CDK8: variants seen among roughly 807,000 people sequenced by gnomAD.
CDK8 encodes cyclin dependent kinase 8, also known as cyclin-dependent kinase 8.
Under a neutral mutation model 71.5 loss-of-function variants are expected in CDK8, and 29 were observed. That is an observed-to-expected ratio of 0.41 (90% confidence interval 0.30 to 0.55). CDK8 has a LOEUF of 0.55. Among genes scored for constraint, CDK8 ranks in the 20% least tolerant of loss-of-function variants. The pLI is 0.37. For synonymous variants in CDK8, 161 were observed against 192.1 expected (o/e 0.84, Z 1.34); for missense variants, 288 against 572.6 (o/e 0.50, Z 5.07).
At chr13:26,386,432 C>T (rs1875480355) in intron 6 of CDK8, among the ~76,000 whole-genome samples, 1 of 152,132 alleles carries the variant, frequency 6.6e-6, no homozygotes, top group South Asian at 2.1e-4. Context: ...TCTGTATCCT[C>T]CAGGATGGTA....
intron 4 of CDK8, among the ~76,000 whole-genome samples, chr13:26,356,842 CATTAT>C (rs1873919250): frequency 6.6e-6 from 1 of 151,978 alleles, no homozygotes; most frequent in South Asian, 2.1e-4. Flanking sequence ...ATTAATAGTT[CATTAT>C]ATTCTTTACC....
intron 1 of CDK8, among the ~76,000 whole-genome samples, chr13:26,283,400 G>A (rs1872849011): frequency 6.6e-6 from 1 of 152,026 alleles, no homozygotes; most frequent in African/African-American, 2.4e-5. Context: ...ACAAGGTTAG[G>A]AGATCGAGAC....
intron 1 of CDK8, among the ~76,000 whole-genome samples, chr13:26,288,821 G>A (rs1359689945): frequency 2.0e-5 from 3 of 152,014 alleles, no homozygotes; most frequent in Non-Finnish European, 4.4e-5. Flanking sequence ...GTGCAGTGGC[G>A]TGATCTCGGC....
chr13:26,403,885 TCAGTCA>T, intron 12 of CDK8, 65 bp from the exon 13 acceptor site: 1 of 1,554,652 alleles, frequency 6.4e-7, no homozygotes, highest in Non-Finnish European at 8.8e-7. Context: ...TAATGACACT[TCAGTCA>T]CATATTGGGA....
At position 26,404,134 on chromosome 13, in the gene CDK8, T is replaced by C; in HGVS notation, c.*53T>C. ...GTTGCGAATGCTGCAGGGCTGACTG[T>C]GCAGCTCTCTGCGGGAACCTGGTAT... On this transcript the variant is annotated 3_prime_UTR_variant, in exon 13 of 13. Coordinates refer to ENST00000381527, the MANE Select transcript of CDK8 (RefSeq NM_001260.3). 6.3e-7 allele frequency: 1 copy of C among 1,598,628 alleles called. No homozygotes were observed. The highest frequency in any genetic ancestry group is 1.7e-4 in the Middle Eastern group (1 of 5,982).
At chr13:26,270,048 T>A (rs1012840559) in intron 1 of CDK8, among the ~76,000 whole-genome samples, 1 of 152,134 alleles carries the variant, frequency 6.6e-6, no homozygotes, top group Non-Finnish European at 1.5e-5. Flanking sequence ...TTTCTTAATA[T>A]GGCTTTTTTG....
Position 26,302,151 on chromosome 13 carries a change from T to A in CDK8, c.129-35416T>A, listed in dbSNP as rs187476559. 1.2e-4 allele frequency among the ~76,000 whole-genome samples: 18 copies of A among 152,354 alleles called. No homozygotes were observed. In the East Asian group the frequency reaches 3.1e-3, roughly 26 times the overall value. On this transcript the variant is annotated intron_variant, in intron 1 of 12. Coordinates refer to ENST00000381527, the MANE Select transcript of CDK8 (RefSeq NM_001260.3). ...ATAAACTTCTGGATTAATCAAGGACTATGCTATTTAAAGTACCCATAAAAC... is the reference window on the plus strand; with the variant it reads ...ATAAACTTCTGGATTAATCAAGGACAATGCTATTTAAAGTACCCATAAAAC...
intron 1 of CDK8, among the ~76,000 whole-genome samples, chr13:26,322,754 C>T (rs1354432494): frequency 6.6e-6 from 1 of 152,154 alleles, no homozygotes; most frequent in Non-Finnish European, 1.5e-5. Context: ...TCCCTCCAGT[C>T]TTGATCCCTT....
At chr13:26,366,466 G>A (rs1874393594) in intron 4 of CDK8, among the ~76,000 whole-genome samples, 1 of 152,064 alleles carries the variant, frequency 6.6e-6, no homozygotes, top group South Asian at 2.1e-4. Context: ...ACTATTGAAA[G>A]AAATGTTCGT....
At position 26,404,227 on chromosome 13, in the gene CDK8, A is replaced by G; in HGVS notation, c.*146A>G. 1.1e-6 allele frequency: 1 copy of G among 909,252 alleles called. No individual in the cohort carries two copies. Among genetic ancestry groups the G allele is most frequent in the East Asian group, 2.6e-5 (1 of 37,832 alleles). The allele number at this position is 909,252 out of a possible 1,614,324, so 56.3% of individuals were successfully genotyped here. On this transcript the variant is annotated 3_prime_UTR_variant, in exon 13 of 13. Coordinates refer to ENST00000381527, the MANE Select transcript of CDK8 (RefSeq NM_001260.3). ...CAGTAGCCAAGTTCCACCACTTTTC[A>G]CAGATTGGGGTAGTGGCTTCCAAGT...
At chr13:26,276,561 TA>T (rs1872571208) in intron 1 of CDK8, among the ~76,000 whole-genome samples, 1 of 152,210 alleles carries the variant, frequency 6.6e-6, no homozygotes, top group African/African-American at 2.4e-5. Context: ...TACTTTAATA[TA>T]TTTTTTTAAT....
intron 3 of CDK8, 63 bp downstream of exon 3, chr13:26,349,245 A>T: frequency 1.2e-6 from 1 of 811,822 alleles, no homozygotes; most frequent in Non-Finnish European, 1.9e-6. Flanking sequence ...AACTAAAAAC[A>T]GTTAGGTGTT....
intron 1 of CDK8, among the ~76,000 whole-genome samples, chr13:26,257,281 CGTT>C (rs529426520): frequency 1.7e-3 from 254 of 152,154 alleles, no homozygotes; most frequent in Non-Finnish European, 1.7e-3. Context: ...TGTATGTAAA[CGTT>C]GTATCCTTTC....
chr13:26,319,475 A>T (rs1283937826), intron 1 of CDK8, among the ~76,000 whole-genome samples: 1 of 152,088 alleles, frequency 6.6e-6, no homozygotes, highest in African/African-American at 2.4e-5. Context: ...ACTTAAAAAA[A>T]AAAAAAAGAA....
rs976718181 is a variant in CDK8, at chr13:26,404,624, G to C, written c.*543G>C. The C allele has an allele frequency of 3.5e-5, 8 of 231,224 alleles. No individual in the cohort carries two copies. Among genetic ancestry groups the C allele is most frequent in the Non-Finnish European group, 6.8e-5 (8 of 116,968 alleles). The allele number at this position is 231,224 out of a possible 1,614,324, so 14.3% of individuals were successfully genotyped here. The stretch of plus-strand genomic sequence containing the variant: ...TTTTCTACATTAATCAGTGTTTTCT[G>C]ACCAAGAATATTGCTTGGATTTTTT... On this transcript the variant is annotated 3_prime_UTR_variant, in exon 13 of 13. Coordinates refer to ENST00000381527, the MANE Select transcript of CDK8 (RefSeq NM_001260.3).
intron 1 of CDK8, among the ~76,000 whole-genome samples, chr13:26,284,806 G>C (rs575676828): frequency 6.6e-6 from 1 of 151,832 alleles, no homozygotes; most frequent in African/African-American, 2.4e-5. Flanking sequence ...ATCAGGAAAG[G>C]TTATAATAAC....
chr13:26,274,420 T>G (rs114350038), intron 1 of CDK8, among the ~76,000 whole-genome samples: 3,297 of 151,964 alleles, frequency 0.022, 132 homozygotes, highest in African/African-American at 0.075. Context: ...GTGTTTTCTG[T>G]TATGTTTTCT....
At position 26,401,143 on chromosome 13, in the gene CDK8, G is replaced by T. The variant is rs1230966759; in HGVS notation, c.1032-126G>T. ...TTCGTTTTGTCACAGTTACATGAAA[G>T]GTGCTTATATTTGCAAATATGGAGA... On this transcript the variant is annotated intron_variant, in intron 10 of 12. Transcript: ENST00000381527. The surrounding 1 kb of genome is among the most constrained non-coding windows in gnomAD (Gnocchi z 4.5). 5 of 708,632 alleles carry T rather than the reference G, an allele frequency of 7.1e-6. No homozygotes were observed. The highest frequency in any genetic ancestry group is 3.6e-5 in the African/African-American group (2 of 55,652). 43.9% of individuals were successfully genotyped at this position (708,632 alleles called of 1,614,324 possible).
intron 1 of CDK8, among the ~76,000 whole-genome samples, chr13:26,329,473 TTTTTTTTTTG>T (rs1481775822): frequency 6.3e-5 from 8 of 127,556 alleles, no homozygotes; most frequent in African/African-American, 8.6e-5. Context: ...ATTTCTGTTT[TTTTTTTTTTG>T]TTTTTTTTTT....
Sources: allele counts gnomAD v4.1 joint callset (sites outside exome capture counted in the v4.1 genomes callset), GRCh38; gene constraint gnomAD v4.1.1; non-coding constraint Gnocchi (gnomAD v3.1); transcripts MANE v1.5; gene names NCBI Gene and HGNC (gene_info 2026-07-23, HGNC 2026-07-21).